Variants in SHFL observed in about 807,000 individuals in gnomAD.
SHFL encodes the protein shiftless antiviral inhibitor of ribosomal frameshifting protein.
Under a neutral mutation model 34.7 loss-of-function variants are expected in SHFL, and 12 were observed. That is an observed-to-expected ratio of 0.35 (90% confidence interval 0.22 to 0.56). The LOEUF is 0.56. SHFL is among the 20% of genes least tolerant of loss of function. The pLI is 0.88. For synonymous variants in SHFL, 148 were observed against 156.0 expected (o/e 0.95, Z 0.38); for missense variants, 278 against 411.1 (o/e 0.68, Z 2.80).
intron 3 of SHFL, among the ~76,000 whole-genome samples, chr19:10,088,700 C>A (rs185885653): frequency 4.6e-5 from 7 of 152,172 alleles, no homozygotes; most frequent in Admixed American, 4.6e-4. Context: ...AATTCCAGCA[C>A]TTTGGGAGGT....
Position 10,091,300 on chromosome 19 carries a change from C to T in SHFL, c.435C>T (p.Asp145=). Residue 145 remains aspartate (D), a synonymous_variant, in exon 6 of 8, where the codon GAC becomes GAT. Transcript: ENST00000253110. The surrounding 1 kb of genome is among the most constrained non-coding windows in gnomAD (Gnocchi z 8.2). ...CRKRYEPVPA[D]KMWGLAEFHC... is the part of the protein sequence containing the mutation. The stretch of plus-strand genomic sequence containing the variant: ...AGCGCTACGAGCCAGTGCCAGCTGA[C>T]AAGATGTGGGGCCTGGCTGAGTTCC... 1 of 1,613,936 alleles carries T rather than the reference C, an allele frequency of 6.2e-7. No homozygotes were observed. Among genetic ancestry groups the T allele is most frequent in the Non-Finnish European group, 8.5e-7 (1 of 1,179,856 alleles).
chr19:10,091,403 C>G lies in SHFL; in HGVS notation c.488+50C>G. ...CCCTCAGCCCTGCCCTACCCCAGCC[C>G]TGCCCCTCCCTGCCCTGGCCCCACC... On this transcript the variant is annotated intron_variant, in intron 6 of 7. Transcript: ENST00000253110. This position sits in a 1 kb window ranked among gnomAD's most constrained non-coding sequence, Gnocchi z 8.2. 6.4e-7 allele frequency: 1 copy of G among 1,571,134 alleles called. No individual in the cohort carries two copies. The highest frequency in any genetic ancestry group is 2.3e-5 in the East Asian group (1 of 43,438).
Position 10,089,579 on chromosome 19 carries a change from CG to C in SHFL, c.196-73del. On this transcript the variant is annotated intron_variant, in intron 3 of 7. Transcript: ENST00000253110. Reference sequence around the variant, plus strand: ...TTAGGGGCACCCTACTCATTGCGGCCGGGGGCCTCCCCCAGCAAACGGGTGG... The same window carrying C: ...TTAGGGGCACCCTACTCATTGCGGCCGGGGCCTCCCCCAGCAAACGGGTGG... 3 of 1,531,872 alleles carry C rather than the reference CG, an allele frequency of 2.0e-6. No individual in the cohort carries two copies. In the South Asian group the frequency reaches 3.6e-5, roughly 18 times the overall value. The allele number at this position is 1,531,872 out of a possible 1,614,324, so 94.9% of individuals were successfully genotyped here. A position where few individuals can be genotyped will look rare whatever the true frequency, so the allele number is the denominator to read the frequency against.
Position 10,086,967 on chromosome 19 carries a change from T to C in SHFL, c.60T>C (p.His20=), listed in dbSNP as rs2088298422. The C allele has an allele frequency of 1.2e-6, 2 of 1,613,338 alleles. No individual in the cohort carries two copies. Among genetic ancestry groups the C allele is most frequent in the Non-Finnish European group, 1.7e-6 (2 of 1,179,688 alleles). The change falls in exon 2 of 8, where the codon CAT becomes CAC. Residue 20 remains histidine (H), a synonymous_variant. Transcript: ENST00000253110. The surrounding 1 kb of genome is among the most constrained non-coding windows in gnomAD (Gnocchi z 5.2). ...KSVRRLREKF[H]GKVSSKKAGA... Reference sequence around the variant, plus strand: ...TCCGGCGCCTCCGGGAGAAGTTTCATGGGAAGGTATCCTCCAAGAAGGCGG... The same window carrying C: ...TCCGGCGCCTCCGGGAGAAGTTTCACGGGAAGGTATCCTCCAAGAAGGCGG...
At position 10,086,867 on chromosome 19, in the gene SHFL, G is replaced by A. The variant is rs2088295897; in HGVS notation, c.22-62G>A. The A allele has an allele frequency of 6.3e-7, 1 of 1,592,618 alleles. No homozygotes were observed. The highest frequency in any genetic ancestry group is 1.3e-5 in the African/African-American group (1 of 74,520). Reference sequence around the variant, plus strand: ...TCGGGCCGGGAGAACGGTGCCTAGAGATGGGGGAGGGATGATCCCGTTTCC... The same window carrying A: ...TCGGGCCGGGAGAACGGTGCCTAGAAATGGGGGAGGGATGATCCCGTTTCC... On this transcript the variant is annotated intron_variant, in intron 1 of 7. Coordinates refer to ENST00000253110, the MANE Select transcript of SHFL (RefSeq NM_018381.4). This position sits in a 1 kb window ranked among gnomAD's most constrained non-coding sequence, Gnocchi z 5.2.
chr19:10,087,086 G>A, intron 2 of SHFL, 34 bp downstream of exon 2: 1 of 1,601,428 alleles, frequency 6.2e-7, no homozygotes, highest in East Asian at 2.3e-5. Context: ...CTGGTGCGGG[G>A]ACCGCGCGTG....
In SHFL at chr19:10,092,322, C is replaced by G; in HGVS notation, c.*20C>G. 1 of 1,558,526 alleles carries G rather than the reference C, an allele frequency of 6.4e-7. No individual in the cohort carries two copies. The highest frequency in any genetic ancestry group is 8.7e-7 in the Non-Finnish European group (1 of 1,151,910). On this transcript the variant is annotated 3_prime_UTR_variant, in exon 8 of 8. Transcript: ENST00000253110. ...GAGTGACCCCTGCCAGGTGCAGATA[C>G]AAACCAGACACGGTCTGTGGCTACT...
rs2088294154 is a variant in SHFL at position 10,086,808 on chromosome 19, G to GGT, written c.22-120_22-119insTG. 8.4e-7 allele frequency: 1 copy of GGT among 1,196,528 alleles called. No individual in the cohort carries two copies. The highest frequency in any genetic ancestry group is 2.3e-4 in the Middle Eastern group (1 of 4,288). 74.1% of individuals were successfully genotyped at this position (1,196,528 alleles called of 1,614,324 possible). On this transcript the variant is annotated intron_variant, in intron 1 of 7. Transcript: ENST00000253110. This position sits in a 1 kb window ranked among gnomAD's most constrained non-coding sequence, Gnocchi z 5.2. ...TGCCGTAAAGGGATGAAAGGCGGGG[G>GGT]GGGGGCGGCGGAGGCCAAAACCAAG...
Position 10,091,412 on chromosome 19 carries a change from C to G in SHFL, c.488+59C>G. 1.3e-6 allele frequency: 2 copies of G among 1,567,460 alleles called. No homozygotes were observed. The highest frequency in any genetic ancestry group is 1.7e-6 in the Non-Finnish European group (2 of 1,151,386). On this transcript the variant is annotated intron_variant, in intron 6 of 7. Transcript: ENST00000253110. This position sits in a 1 kb window ranked among gnomAD's most constrained non-coding sequence, Gnocchi z 8.2. ...CTGCCCTACCCCAGCCCTGCCCCTC[C>G]CTGCCCTGGCCCCACCCTGGCCCAG...
chr19:10,092,380 G>C lies in SHFL; in HGVS notation c.*78G>C, dbSNP rs1366256381. On this transcript the variant is annotated 3_prime_UTR_variant, in exon 8 of 8. Coordinates refer to ENST00000253110, the MANE Select transcript of SHFL (RefSeq NM_018381.4). ...ATTATAAGATATGAGCTCAAACCGA[G>C]ATATGAATGACCTTGGGGAGCCATC... The C allele has an allele frequency of 1.3e-6, 2 of 1,530,748 alleles. No homozygotes were observed. Among genetic ancestry groups the C allele is most frequent in the East Asian group, 2.4e-5 (1 of 40,938 alleles). The allele number at this position is 1,530,748 out of a possible 1,614,324, so 94.8% of individuals were successfully genotyped here. A position where few individuals can be genotyped will look rare whatever the true frequency, so the allele number is the denominator to read the frequency against.
Position 10,092,543 on chromosome 19 carries a change from TG to T in SHFL, c.*242del, listed in dbSNP as rs773559612. ...GTGTGGCCAGAACAACTTGGGCTCC[TG>T]CTGACCAATGTCCTCTAGGGCCTAG... On this transcript the variant is annotated 3_prime_UTR_variant, in exon 8 of 8. Coordinates refer to ENST00000253110, the MANE Select transcript of SHFL (RefSeq NM_018381.4). 7.7e-6 allele frequency: 12 copies of T among 1,556,862 alleles called. No homozygotes were observed. In the South Asian group the frequency reaches 1.5e-4, roughly 19 times the overall value.
Position 10,091,654 on chromosome 19 carries a change from C to A in SHFL, c.643+24C>A. 6.5e-7 allele frequency: 1 copy of A among 1,533,632 alleles called. No individual in the cohort carries two copies. The highest frequency in any genetic ancestry group is 1.2e-5 in the South Asian group (1 of 82,124). On this transcript the variant is annotated intron_variant, in intron 7 of 7. Coordinates refer to ENST00000253110, the MANE Select transcript of SHFL (RefSeq NM_018381.4). The surrounding 1 kb of genome is among the most constrained non-coding windows in gnomAD (Gnocchi z 8.2). Reference sequence around the variant, plus strand: ...AGGTGAGGCTCTTCTCCCCCAACAGCCTGGACAGTCTTTGTCCCCTTCTGT... The same window carrying A: ...AGGTGAGGCTCTTCTCCCCCAACAGACTGGACAGTCTTTGTCCCCTTCTGT...
intron 3 of SHFL, 110 bp downstream of exon 3, chr19:10,087,410 G>A: frequency 8.6e-7 from 1 of 1,158,720 alleles, no homozygotes; most frequent in Non-Finnish European, 1.3e-6. Flanking sequence ...GAGGGACCAG[G>A]CATTGTCGGT....
intron 3 of SHFL, 121 bp downstream of exon 3, chr19:10,087,421 C>A (rs947428443): frequency 1.9e-6 from 2 of 1,030,362 alleles, no homozygotes; most frequent in African/African-American, 1.6e-5. Flanking sequence ...CATTGTCGGT[C>A]CATAACTCAT....
intron 3 of SHFL, chr19:10,089,154 A>T (rs1568463744): frequency 1.5e-6 from 1 of 681,560 alleles, no homozygotes; most frequent in Non-Finnish European, 2.5e-6. Context: ...AAGCAGGGGC[A>T]GCTGCGATTT....
At chr19:10,090,309 C>A (rs1026711232) in intron 5 of SHFL, 6 of 486,608 alleles carry the variant, frequency 1.2e-5, no homozygotes, top group Admixed American at 3.3e-5. Context: ...CTACAGAAAT[C>A]AAACCTGGCC....
chr19:10,091,476 G>A lies in SHFL; in HGVS notation c.489G>A (p.Arg163=). Residue 163 remains arginine, a splice_region_variant and synonymous_variant, in exon 7 of 8, where the codon CGG becomes CGA. Coordinates refer to ENST00000253110, the MANE Select transcript of SHFL (RefSeq NM_018381.4). This position sits in a 1 kb window ranked among gnomAD's most constrained non-coding sequence, Gnocchi z 8.2. Reference sequence around the variant, plus strand: ...CCCTCACAGCCCTGCCCGCCCCCAGGGGCTGGGCACAGATGGGGTCCCCGT... The same window carrying A: ...CCCTCACAGCCCTGCCCGCCCCCAGAGGCTGGGCACAGATGGGGTCCCCGT... The part of the protein sequence containing the change: ...FHCPKCRHNF[R]GWAQMGSPSP... The A allele has an allele frequency of 6.5e-7, 1 of 1,539,642 alleles. No individual in the cohort carries two copies. The highest frequency in any genetic ancestry group is 8.8e-7 in the Non-Finnish European group (1 of 1,139,448).
rs957026705 is a variant in SHFL at position 10,092,393 on chromosome 19, T to C, written c.*91T>C. On this transcript the variant is annotated 3_prime_UTR_variant, in exon 8 of 8. Coordinates refer to ENST00000253110, the MANE Select transcript of SHFL (RefSeq NM_018381.4). ...AGCTCAAACCGAGATATGAATGACC[T>C]TGGGGAGCCATCTGAGGCCAAGATA... The C allele has an allele frequency of 2.1e-5, 32 of 1,512,432 alleles. No homozygotes were observed. Among genetic ancestry groups the C allele is most frequent in the South Asian group, 3.7e-5 (3 of 80,376 alleles). 93.7% of individuals were successfully genotyped at this position (1,512,432 alleles called of 1,614,324 possible). A position where few individuals can be genotyped will look rare whatever the true frequency, so the allele number is the denominator to read the frequency against.
In SHFL at chr19:10,086,533, C is replaced by T. The variant is rs1343329561; in HGVS notation, c.21+85C>T. On this transcript the variant is annotated intron_variant, in intron 1 of 7. Transcript: ENST00000253110. This position sits in a 1 kb window ranked among gnomAD's most constrained non-coding sequence, Gnocchi z 5.2. ...GAGGCGCGGAGGGGGCTTCGCAGTTCCTGGGGACCCCCATCCTAGAACCCC... is the reference window on the plus strand; with the variant it reads ...GAGGCGCGGAGGGGGCTTCGCAGTTTCTGGGGACCCCCATCCTAGAACCCC... 1.6e-6 allele frequency: 2 copies of T among 1,225,538 alleles called. No individual in the cohort carries two copies. Among genetic ancestry groups the T allele is most frequent in the Non-Finnish European group, 2.1e-6 (2 of 951,854 alleles). The allele number at this position is 1,225,538 out of a possible 1,614,324, so 75.9% of individuals were successfully genotyped here.
Sources: allele counts gnomAD v4.1 joint callset (sites outside exome capture counted in the v4.1 genomes callset), GRCh38; gene constraint gnomAD v4.1.1; non-coding constraint Gnocchi (gnomAD v3.1); transcripts MANE v1.5; gene names NCBI Gene and HGNC (gene_info 2026-07-23, HGNC 2026-07-21).